Variants in EIPR1 observed in about 807,000 individuals in gnomAD.
EIPR1 encodes EARP complex and GARP complex interacting protein 1.
In EIPR1, 25 loss-of-function variants were observed where a neutral mutation model predicts 48.1. That is an observed-to-expected ratio of 0.52 (90% confidence interval 0.38 to 0.73). The LOEUF (loss-of-function observed/expected upper bound fraction) is 0.73, where lower values mean the gene tolerates loss of function less well. Ranked by LOEUF, EIPR1 falls within the 30% of genes least tolerant of loss-of-function variation. EIPR1 has a pLI of 0.00. For missense variants in EIPR1, 415 were observed against 506.2 expected (o/e 0.82, Z 1.73); for synonymous variants, 204 against 201.9 (o/e 1.01, Z -0.09).
chr2:3,329,065 CA>C (rs1276278457), intron 3 of EIPR1, among the ~76,000 whole-genome samples: 3 of 116,294 alleles, frequency 2.6e-5, no homozygotes, highest in South Asian at 3.3e-4. Flanking sequence ...CTAATGATCT[CA>C]GGGCACCAGC....
At chr2:3,325,875 C>T (rs1352626875) in intron 3 of EIPR1, among the ~76,000 whole-genome samples, 1 of 152,282 alleles carries the variant, frequency 6.6e-6, no homozygotes, top group Non-Finnish European at 1.5e-5. Context: ...GTGCCCCTGG[C>T]ACCCTGCCAC....
intron 3 of EIPR1, chr2:3,300,996 T>C (rs540271061): frequency 1.7e-4 from 26 of 152,228 alleles, no homozygotes; most frequent in African/African-American, 5.5e-4. Context: ...AGATGATTCA[T>C]AGGGCTAAAT....
At chr2:3,310,169 C>T (rs1572425285) in intron 3 of EIPR1, among the ~76,000 whole-genome samples, 1 of 152,084 alleles carries the variant, frequency 6.6e-6, no homozygotes, top group South Asian at 2.1e-4. Flanking sequence ...CTTGGTTCAG[C>T]GCCAAGGTCA....
chr2:3,223,243 T>A (rs527805017), intron 4 of EIPR1, among the ~76,000 whole-genome samples: 1 of 152,280 alleles, frequency 6.6e-6, no homozygotes, highest in African/African-American at 2.4e-5. Context: ...AGTTGACTGA[T>A]CCACAAAGGT....
At chr2:3,348,983 G>A (rs1462957928) in intron 2 of EIPR1, among the ~76,000 whole-genome samples, 1 of 152,188 alleles carries the variant, frequency 6.6e-6, no homozygotes, top group Non-Finnish European at 1.5e-5. Flanking sequence ...GGAACCATGG[G>A]GCCCAGGCTG....
intron 4 of EIPR1, among the ~76,000 whole-genome samples, chr2:3,230,221 C>G (rs1344499667): frequency 6.6e-6 from 1 of 152,160 alleles, no homozygotes; most frequent in East Asian, 1.9e-4. Flanking sequence ...CAGTATATAG[C>G]AATGCAACGA....
intron 3 of EIPR1, among the ~76,000 whole-genome samples, chr2:3,330,719 G>A (rs1558303145): frequency 7.9e-6 from 1 of 126,418 alleles, no homozygotes; most frequent in African/African-American, 2.6e-5. Context: ...ACACTCATGA[G>A]ACAGTGTGAG....
chr2:3,283,282 C>A (rs1457870618), intron 3 of EIPR1, among the ~76,000 whole-genome samples: 1 of 152,164 alleles, frequency 6.6e-6, no homozygotes, highest in East Asian at 1.9e-4. Context: ...TGGCCTCCTC[C>A]CCACACCAGC....
chr2:3,297,342 T>C (rs2103288016), intron 3 of EIPR1, among the ~76,000 whole-genome samples: 1 of 152,346 alleles, frequency 6.6e-6, no homozygotes, highest in South Asian at 2.1e-4. Flanking sequence ...ACCTGCAGCA[T>C]GCAGAGACAG....
chr2:3,343,348 C>T lies in EIPR1; in HGVS notation c.127-5199G>A, dbSNP rs539932873. Among the ~76,000 whole-genome samples the T allele has an allele frequency of 1.6e-4, 25 of 152,306 alleles. No individual in the cohort carries two copies. The East Asian group carries it at 3.1e-3, about 19-fold the overall frequency. ...TGAATAAACATACGCAGGTACAGGC[C>T]GGCTCCGAAAACAAGCAATGCGAGA... On this transcript the variant is annotated intron_variant, in intron 2 of 8. Transcript: ENST00000382125.
At chr2:3,352,293 C>T (rs1670600698) in intron 2 of EIPR1, among the ~76,000 whole-genome samples, 1 of 150,288 alleles carries the variant, frequency 6.7e-6, no homozygotes, top group African/African-American at 2.5e-5. Flanking sequence ...TGCCCCTGAG[C>T]CACCCACACT....
intron 3 of EIPR1, among the ~76,000 whole-genome samples, chr2:3,326,006 T>C (rs968325901): frequency 2.0e-5 from 3 of 152,326 alleles, no homozygotes; most frequent in East Asian, 1.9e-4. Flanking sequence ...GTGGGCTTTG[T>C]TGCCTGTGCC....
chr2:3,300,638 C>G (rs1668736980), intron 3 of EIPR1, among the ~76,000 whole-genome samples: 1 of 152,018 alleles, frequency 6.6e-6, no homozygotes, highest in African/African-American at 2.4e-5. Flanking sequence ...CTTGCCAATA[C>G]CATTTCCATG....
At chr2:3,307,148 G>A (rs1173507852) in intron 3 of EIPR1, among the ~76,000 whole-genome samples, 3 of 152,046 alleles carry the variant, frequency 2.0e-5, no homozygotes. Flanking sequence ...TTTTAGTAGA[G>A]ATGGGGTTCT....
rs150854652 is a variant in EIPR1, at chr2:3,257,433, T to C, written c.282A>G (p.Thr94=). ...TCGGCATCCTCCACACGGCTGCACATGTCAGGACTTTGCTGTCTGAAGCTG... is the reference window on the plus strand; with the variant it reads ...TCGGCATCCTCCACACGGCTGCACACGTCAGGACTTTGCTGTCTGAAGCTG... The part of the protein sequence containing the change: ...YNRTSDSKVL[T]CAAVWRMPKE... The change falls in exon 4 of 9, where the codon ACA becomes ACG. Residue 94 remains threonine, a synonymous_variant. Transcript: ENST00000382125. The C allele has an allele frequency of 1.5e-5, 25 of 1,614,070 alleles. No individual in the cohort carries two copies. The highest frequency in any genetic ancestry group is 1.9e-5 in the Non-Finnish European group (23 of 1,180,030).
chr2:3,321,444 A>C (rs1411845031), intron 3 of EIPR1, among the ~76,000 whole-genome samples: 1 of 152,122 alleles, frequency 6.6e-6, no homozygotes, highest in Non-Finnish European at 1.5e-5. Flanking sequence ...AGGCTGATGG[A>C]TTCCAACTTT....
intron 4 of EIPR1, among the ~76,000 whole-genome samples, chr2:3,255,269 G>A (rs555164695): frequency 2.7e-5 from 4 of 150,440 alleles, no homozygotes; most frequent in South Asian, 2.1e-4. Flanking sequence ...TGCAACCTCC[G>A]CCTCCCAGAT....
At chr2:3,310,091 C>T (rs770836451) in intron 3 of EIPR1, among the ~76,000 whole-genome samples, 2 of 152,144 alleles carry the variant, frequency 1.3e-5, no homozygotes, top group Admixed American at 6.5e-5. Context: ...TATGTGCCCA[C>T]GGCAAGGTCA....
chr2:3,216,314 G>A (rs1031838733), intron 4 of EIPR1, among the ~76,000 whole-genome samples: 4 of 152,008 alleles, frequency 2.6e-5, no homozygotes, highest in South Asian at 2.1e-4. Flanking sequence ...TATAACTCAC[G>A]TGTGCTTCCC....
Sources: gnomAD v4.1 joint callset for allele counts (sites outside exome capture counted in the v4.1 genomes callset) on GRCh38, gnomAD v4.1.1 for gene constraint, MANE v1.5 for transcripts, NCBI Gene and HGNC (gene_info 2026-07-23, HGNC 2026-07-21) for gene names.